The following DMD variants were observed in gnomAD, a reference collection of about 807,000 sequenced individuals.
DMD encodes the protein mutant dystrophin.
In DMD, 63 loss-of-function variants were observed where a neutral mutation model predicts 330.1. The ratio of observed to expected loss-of-function variants is 0.19; its 90% CI spans 0.16 to 0.24. The LOEUF is 0.24. Among genes scored for constraint, DMD ranks in the 10% least tolerant of loss-of-function variants. The pLI is 1.00. For synonymous variants in DMD, 1,223 were observed against 959.8 expected (o/e 1.27, Z -5.07); for missense variants, 3,344 against 2,684.1 (o/e 1.25, Z -5.43).
At chrX:31,862,598 TAAC>T (rs1424862479) in intron 48 of DMD, among the ~76,000 whole-genome samples, 1 of 112,571 alleles carries the variant, frequency 8.9e-6, no homozygotes, top group Non-Finnish European at 1.9e-5. Flanking sequence ...ATACAAATGA[TAAC>T]AACAGTTCCA....
At chrX:31,482,242 G>T (rs940790138) in intron 57 of DMD, among the ~76,000 whole-genome samples, 1 of 102,764 alleles carries the variant, frequency 9.7e-6, no homozygotes, top group African/African-American at 3.7e-5. Flanking sequence ...TGTGTGGGGG[G>T]GGTGTTCTGT....
chrX:31,518,341 G>A (rs2072443087), intron 55 of DMD, among the ~76,000 whole-genome samples: 1 of 110,793 alleles, frequency 9.0e-6, no homozygotes, highest in Non-Finnish European at 1.9e-5. Flanking sequence ...AGAAAATACT[G>A]TGCTGCAATA....
rs752365933 is a variant in DMD at position 32,885,870 on chromosome X, GCA to G, written c.94-36052_94-36051del. Among the ~76,000 whole-genome samples the G allele has an allele frequency of 6.9e-3, 718 of 104,083 alleles. 3 individuals are homozygous for G. Among genetic ancestry groups the G allele is most frequent in the African/African-American group, 0.023 (672 of 28,672 alleles). The allele number at this position is 104,083 out of a possible 115,157, so 90.4% of individuals were successfully genotyped here. Reference sequence around the variant, plus strand: ...AAAAACCTTTCCTTTCAGGTAGTAGGCACACAGTTTTACTCACCCCTTGTCTC... The same window carrying G: ...AAAAACCTTTCCTTTCAGGTAGTAGGCACAGTTTTACTCACCCCTTGTCTC... On this transcript the variant is annotated intron_variant, in intron 2 of 78. Transcript: ENST00000357033.
intron 62 of DMD, among the ~76,000 whole-genome samples, chrX:31,300,334 G>T (rs1033891711): frequency 7.1e-5 from 8 of 112,306 alleles, no homozygotes; most frequent in Non-Finnish European, 1.3e-4. Context: ...GATGAAGGGA[G>T]ATGATACCAA....
chrX:32,654,275 G>T (rs1602574873), intron 9 of DMD, among the ~76,000 whole-genome samples: 2 of 111,684 alleles, frequency 1.8e-5, no homozygotes, highest in Non-Finnish European at 3.8e-5. Context: ...CAATATGATA[G>T]TGGCTGTGGG....
intron 55 of DMD, among the ~76,000 whole-genome samples, chrX:31,621,254 C>CA (rs1222022875): frequency 8.9e-6 from 1 of 111,842 alleles, no homozygotes. Context: ...AAACATATGA[C>CA]AGTGTTGATT....
chrX:32,427,383 G>A (rs1378547283), intron 29 of DMD, among the ~76,000 whole-genome samples: 1 of 110,910 alleles, frequency 9.0e-6, no homozygotes, highest in Admixed American at 9.7e-5. Flanking sequence ...AAAAGTCTGT[G>A]CCAGAGATAA....
intron 23 of DMD, among the ~76,000 whole-genome samples, chrX:32,465,036 A>G (rs992373011): frequency 8.9e-6 from 1 of 112,298 alleles, no homozygotes; most frequent in Non-Finnish European, 1.9e-5. Flanking sequence ...GTGTCCTTAC[A>G]GTACATAAAA....
At chrX:31,642,775 G>A (rs2079847191) in intron 54 of DMD, among the ~76,000 whole-genome samples, 1 of 111,704 alleles carries the variant, frequency 9.0e-6, no homozygotes, top group African/African-American at 3.3e-5. Context: ...CAGTGCTGGG[G>A]AAGAGGCCAG....
At chrX:32,325,200 A>G (rs1484412417) in intron 41 of DMD, among the ~76,000 whole-genome samples, 1 of 111,307 alleles carries the variant, frequency 9.0e-6, no homozygotes, top group Non-Finnish European at 1.9e-5. Flanking sequence ...TTTAAAGACT[A>G]AATTGTAGAC....
At position 31,511,640 on chromosome X, in the gene DMD, T is replaced by C. The variant is rs754305410; in HGVS notation, c.8218-4187A>G. On this transcript the variant is annotated intron_variant, in intron 55 of 78. Coordinates refer to ENST00000357033, the MANE Select transcript of DMD (RefSeq NM_004006.3). ...GAATAATGATTTCCAATTTCATCCA[T>C]GTCCCTACAAAGGATGTGAACTCAT... Among the ~76,000 whole-genome samples, 21 of 105,914 alleles carry C rather than the reference T, an allele frequency of 2.0e-4. No individual in the cohort carries two copies. In the South Asian group the frequency reaches 2.5e-3, roughly 13 times the overall value. The allele number at this position is 105,914 out of a possible 115,157, so 92.0% of individuals were successfully genotyped here.
intron 50 of DMD, among the ~76,000 whole-genome samples, chrX:31,801,891 T>C (rs1158000973): frequency 1.8e-5 from 2 of 110,868 alleles, no homozygotes; most frequent in East Asian, 5.7e-4. Context: ...CTAACCTAGT[T>C]TGGGAGGTAA....
chrX:33,247,192 C>A (rs779844765), intron 1 of DMD, among the ~76,000 whole-genome samples: 1 of 111,398 alleles, frequency 9.0e-6, no homozygotes, highest in Non-Finnish European at 1.9e-5. Context: ...TTTTATATTC[C>A]GAATCAGTCC....
chrX:32,388,811 G>A (rs887637135), intron 32 of DMD, among the ~76,000 whole-genome samples: 1 of 111,147 alleles, frequency 9.0e-6, no homozygotes, highest in Non-Finnish European at 1.9e-5. Context: ...TCGAGTAGAT[G>A]CAATCATACC....
rs759821281 is a variant in DMD at position 32,549,583 on chromosome X, C to T, written c.1993-4249G>A. 8.0e-5 allele frequency among the ~76,000 whole-genome samples: 9 copies of T among 112,055 alleles called. No individual in the cohort carries two copies. In the East Asian group the frequency reaches 8.4e-4, roughly 10 times the overall value. ...AGCAGTAACCACTATCTTTTCTAAA[C>T]GCTCAGGGAAATTTGAAGAATTTTT... On this transcript the variant is annotated intron_variant, in intron 16 of 78. Coordinates refer to ENST00000357033, the MANE Select transcript of DMD (RefSeq NM_004006.3).
rs544421635 is a variant in DMD at position 32,863,509 on chromosome X, C to CAAAAAAAAAAAAAAA, written c.94-13704_94-13690dup. Among the ~76,000 whole-genome samples the CAAAAAAAAAAAAAAA allele has an allele frequency of 2.2e-4, 11 of 49,056 alleles. 2 individuals carry two copies. The highest frequency in any genetic ancestry group is 1.4e-3 in the African/African-American group (11 of 7,809). 42.6% of individuals were successfully genotyped at this position (49,056 alleles called of 115,157 possible). A position where few individuals can be genotyped will look rare whatever the true frequency, so the allele number is the denominator to read the frequency against. On this transcript the variant is annotated intron_variant, in intron 2 of 78. Coordinates refer to ENST00000357033, the MANE Select transcript of DMD (RefSeq NM_004006.3). ...TGGGTGGCAGAGTGAGACTCCGTCT[C>CAAAAAAAAAAAAAAA]AAAAAAAAAAAAAAAAGATTGTGTT...
At chrX:33,314,989 T>C (rs928334467) in intron 1 of DMD, among the ~76,000 whole-genome samples, 1 of 110,557 alleles carries the variant, frequency 9.0e-6, no homozygotes, top group African/African-American at 3.3e-5. Flanking sequence ...TGGCTAATTT[T>C]GTATTTTGTA....
At chrX:31,990,114 A>C (rs2095539912) in intron 44 of DMD, among the ~76,000 whole-genome samples, 1 of 112,815 alleles carries the variant, frequency 8.9e-6, no homozygotes, top group African/African-American at 3.2e-5. Flanking sequence ...AGACATGTAC[A>C]AAAATAGTTT....
At chrX:32,417,682 C>T (rs1270125244) in intron 29 of DMD, among the ~76,000 whole-genome samples, 1 of 110,912 alleles carries the variant, frequency 9.0e-6, no homozygotes, top group Non-Finnish European at 1.9e-5. Context: ...AGCAAGAGTA[C>T]CTCAGGATCA....
Sources: gnomAD v4.1 joint callset for allele counts (sites outside exome capture counted in the v4.1 genomes callset) on GRCh38, gnomAD v4.1.1 for gene constraint, MANE v1.5 for transcripts, NCBI Gene and HGNC (gene_info 2026-07-23, HGNC 2026-07-21) for gene names.